FAM135A: variants seen among roughly 807,000 people sequenced by gnomAD.
The protein encoded by FAM135A is protein FAM135A.
A neutral mutation model predicts 146.8 loss-of-function variants in FAM135A; 79 were observed. The observed-to-expected ratio is 0.54, with a 90% CI of 0.45 to 0.65. The LOEUF (loss-of-function observed/expected upper bound fraction) is 0.65. FAM135A is among the 30% of genes least tolerant of loss of function. The pLI is 0.00. For synonymous variants in FAM135A, 562 were observed against 603.6 expected, an observed-to-expected ratio of 0.93 and a Z score of 1.01; for missense variants, 1,623 against 1,758.2, an observed-to-expected ratio of 0.92 and a Z score of 1.38.
intron 20 of FAM135A, among the ~76,000 whole-genome samples, chr6:70,556,545 A>G (rs1398513202): frequency 6.6e-6 from 1 of 152,240 alleles, no homozygotes; most frequent in African/African-American, 2.4e-5. Flanking sequence ...ACATTCTTAT[A>G]TCAGCATCAA....
chr6:70,547,285 G>A (rs1337057105), intron 20 of FAM135A, among the ~76,000 whole-genome samples: 1 of 152,022 alleles, frequency 6.6e-6, no homozygotes, highest in African/African-American at 2.4e-5. Flanking sequence ...CTGAAAGTGC[G>A]GGAAAGAACC....
At chr6:70,453,745 C>A (rs1246745362) in intron 5 of FAM135A, among the ~76,000 whole-genome samples, 1 of 152,198 alleles carries the variant, frequency 6.6e-6, no homozygotes, top group African/African-American at 2.4e-5. Flanking sequence ...GACATTAACT[C>A]ATCCATTTTT....
chr6:70,526,483 A>C lies in FAM135A; in HGVS notation c.3399A>C (p.Ile1133=). The C allele has an allele frequency of 1.2e-6, 2 of 1,613,626 alleles. No homozygotes were observed. Among genetic ancestry groups the C allele is most frequent in the Admixed American group, 3.3e-5 (2 of 59,968 alleles). ...MEERLTKSEK[I]NSDYLRDGIN... is the part of the protein sequence containing the mutation. Reference sequence around the variant, plus strand: ...AAAGACTTACAAAATCTGAAAAAATAAACAGTGACTATCTGAGAGATGGTA... The same window carrying C: ...AAAGACTTACAAAATCTGAAAAAATCAACAGTGACTATCTGAGAGATGGTA... The change falls in exon 15 of 22, where the codon ATA becomes ATC. Residue 1133 remains isoleucine, a synonymous_variant. Coordinates refer to ENST00000418814, the MANE Select transcript of FAM135A (RefSeq NM_001162529.3).
intron 4 of FAM135A, among the ~76,000 whole-genome samples, chr6:70,434,794 G>A (rs557262854): frequency 1.8e-4 from 27 of 152,172 alleles, no homozygotes; most frequent in African/African-American, 5.5e-4. Context: ...TCCACATATC[G>A]TTGGAACAGT....
chr6:70,516,677 G>T (rs1792329362), intron 12 of FAM135A, among the ~76,000 whole-genome samples: 1 of 151,628 alleles, frequency 6.6e-6, no homozygotes, highest in South Asian at 2.1e-4. Context: ...TGGGACTACA[G>T]GCACTCGCCA....
chr6:70,460,083 G>C (rs1779145044), intron 5 of FAM135A, among the ~76,000 whole-genome samples: 1 of 152,142 alleles, frequency 6.6e-6, no homozygotes, highest in Non-Finnish European at 1.5e-5. Flanking sequence ...AAAAACTATA[G>C]CTTGTTTTCT....
chr6:70,546,767 T>A (rs1286355381), intron 20 of FAM135A, among the ~76,000 whole-genome samples: 1 of 152,228 alleles, frequency 6.6e-6, no homozygotes, highest in Non-Finnish European at 1.5e-5. Flanking sequence ...ATTAAATTTT[T>A]ATAGCAACTT....
intron 4 of FAM135A, among the ~76,000 whole-genome samples, chr6:70,441,199 G>A (rs190468124): frequency 6.6e-6 from 1 of 152,164 alleles, no homozygotes; most frequent in East Asian, 1.9e-4. Context: ...TTTGAGACCA[G>A]CCTGGCCAAC....
intron 4 of FAM135A, among the ~76,000 whole-genome samples, chr6:70,438,239 G>C (rs1389311998): frequency 1.3e-5 from 2 of 152,158 alleles, no homozygotes; most frequent in African/African-American, 2.4e-5. Flanking sequence ...ATAATTTTCT[G>C]TTCATAAAAG....
At chr6:70,498,555 T>A (rs546364477) in intron 11 of FAM135A, among the ~76,000 whole-genome samples, 68 of 151,936 alleles carry the variant, frequency 4.5e-4, no homozygotes, top group East Asian at 5.8e-4. Context: ...ATAATTCTTT[T>A]AATTGTGATG....
At chr6:70,486,283 A>C in intron 10 of FAM135A, 1 of 1,570,964 alleles carries the variant, frequency 6.4e-7, no homozygotes, top group East Asian at 2.3e-5. Context: ...ATCCCTTTTA[A>C]TTAAAAAGTA....
chr6:70,479,322 A>G (rs1327302846), intron 8 of FAM135A, among the ~76,000 whole-genome samples: 1 of 152,208 alleles, frequency 6.6e-6, no homozygotes, highest in Non-Finnish European at 1.5e-5. Flanking sequence ...GGGGCAGCTC[A>G]TCTCCTAGAG....
intron 3 of FAM135A, among the ~76,000 whole-genome samples, chr6:70,427,509 G>A (rs956467423): frequency 6.7e-6 from 1 of 150,298 alleles, no homozygotes; most frequent in Non-Finnish European, 1.5e-5. Context: ...TCCAGCCTGG[G>A]TGACAGAGCG....
At chr6:70,498,272 A>C (rs1787760736) in intron 11 of FAM135A, among the ~76,000 whole-genome samples, 1 of 151,694 alleles carries the variant, frequency 6.6e-6, no homozygotes, top group Admixed American at 6.6e-5. Context: ...AGAGGTGTTG[A>C]TAGTATTCTC....
chr6:70,481,930 A>T lies in FAM135A; in HGVS notation c.670-71A>T, dbSNP rs1398273347. ...ACAGATGGTTAAGTATTTTTTCTTT[A>T]TTTTTCCAAGTTTCACATGTAACAT... On this transcript the variant is annotated intron_variant, in intron 9 of 21. Transcript: ENST00000418814. 4 of 1,431,246 alleles carry T rather than the reference A, an allele frequency of 2.8e-6. No individual in the cohort carries two copies. In the Admixed American group the frequency reaches 9.7e-5, roughly 35 times the overall value. The allele number at this position is 1,431,246 out of a possible 1,614,324, so 88.7% of individuals were successfully genotyped here.
Position 70,445,361 on chromosome 6 carries a change from G to GAGACCACC in FAM135A, c.78-7131_78-7130insAGACCACC, listed in dbSNP as rs111464151. Among the ~76,000 whole-genome samples, 3 of 151,894 alleles carry GAGACCACC rather than the reference G, an allele frequency of 2.0e-5. No individual in the cohort carries two copies. The East Asian group carries it at 5.8e-4, about 29-fold the overall frequency. ...GGAATATTTAGATATGGTTTCTGCC[G>GAGACCACC]TCTTGGTCAGGGAAACCCTAACCCA... On this transcript the variant is annotated intron_variant, in intron 4 of 21. Transcript: ENST00000418814.
intron 5 of FAM135A, among the ~76,000 whole-genome samples, chr6:70,458,550 A>G (rs1250441884): frequency 2.0e-5 from 3 of 152,124 alleles, no homozygotes; most frequent in Non-Finnish European, 2.9e-5. Flanking sequence ...ATAGGTAACA[A>G]CCTTTCCATA....
chr6:70,540,296 G>A (rs538940815), intron 20 of FAM135A, among the ~76,000 whole-genome samples: 9 of 144,024 alleles, frequency 6.2e-5, no homozygotes, highest in Admixed American at 4.2e-4. Flanking sequence ...CTGCTTTTTA[G>A]ACTCATTTAT....
chr6:70,475,441 T>C lies in FAM135A; in HGVS notation c.189T>C (p.His63=). 2 of 1,601,184 alleles carry C rather than the reference T, an allele frequency of 1.2e-6. No individual in the cohort carries two copies. The highest frequency in any genetic ancestry group is 1.7e-6 in the Non-Finnish European group (2 of 1,174,312). ...CTTTAGCCTTTCCAGCCTCAGTTCATGATTCTCTAATTTGCAGTAAAACAT... is the reference window on the plus strand; with the variant it reads ...CTTTAGCCTTTCCAGCCTCAGTTCACGATTCTCTAATTTGCAGTAAAACAT... ...GMTLAFPASV[H]DSLICSKTFQ... Residue 63 remains histidine, a synonymous_variant, in exon 6 of 22, where the codon CAT becomes CAC. Transcript: ENST00000418814.
Sources: allele counts gnomAD v4.1 joint callset (sites outside exome capture counted in the v4.1 genomes callset), GRCh38; gene constraint gnomAD v4.1.1; transcripts MANE v1.5; gene names NCBI Gene and HGNC (gene_info 2026-07-23, HGNC 2026-07-21).